The following TEK variants were observed in gnomAD, a reference collection of about 807,000 sequenced individuals.
The protein encoded by TEK is angiopoietin-1 receptor.
Under a neutral mutation model 131.8 loss-of-function variants are expected in TEK, and 43 were observed. The ratio of observed to expected loss-of-function variants is 0.33; its 90% CI spans 0.26 to 0.42. The LOEUF (loss-of-function observed/expected upper bound fraction) is 0.42. TEK is among the 10% of genes least tolerant of loss of function. TEK has a pLI of 1.00. For synonymous variants in TEK, 580 were observed against 491.6 expected (o/e 1.18, Z -2.38); for missense variants, 1,162 against 1,384.4 (o/e 0.84, Z 2.55).
Position 27,183,404 on chromosome 9 carries a change from A to G in TEK, c.1031-55A>G, listed in dbSNP as rs142546331. On this transcript the variant is annotated intron_variant, in intron 7 of 22. Coordinates refer to ENST00000380036, the MANE Select transcript of TEK (RefSeq NM_000459.5). ...TAAAGTAGCTATTTTTATTATTACT[A>G]CTGCTGCTGGCTCTGTTAAATATTA... is the stretch of plus-strand genomic sequence containing the variant. 6 of 1,583,440 alleles carry G rather than the reference A, an allele frequency of 3.8e-6. No homozygotes were observed. In the East Asian group the frequency reaches 6.7e-5, roughly 18 times the overall value.
intron 11 of TEK, among the ~76,000 whole-genome samples, chr9:27,194,387 T>C (rs775655598): frequency 2.6e-5 from 4 of 152,194 alleles, no homozygotes; most frequent in Non-Finnish European, 5.9e-5. Context: ...AAAGCTACTC[T>C]GAGACTTATA....
chr9:27,187,322 T>G (rs1180550197), intron 9 of TEK, among the ~76,000 whole-genome samples: 1 of 152,214 alleles, frequency 6.6e-6, no homozygotes, highest in South Asian at 2.1e-4. Context: ...TATTATAGTA[T>G]TTACAAAAAC....
chr9:27,212,243 A>G (rs1825662588), intron 16 of TEK, among the ~76,000 whole-genome samples: 1 of 152,166 alleles, frequency 6.6e-6, no homozygotes, highest in Non-Finnish European at 1.5e-5. Context: ...TTCCACATGG[A>G]TATTTAATTG....
chr9:27,138,225 G>A lies in TEK; in HGVS notation c.53-19606G>A, dbSNP rs555452197. 7.9e-5 allele frequency among the ~76,000 whole-genome samples: 12 copies of A among 152,348 alleles called. No individual in the cohort carries two copies. The East Asian group carries it at 9.6e-4, about 12-fold the overall frequency. On this transcript the variant is annotated intron_variant, in intron 1 of 22. Coordinates refer to ENST00000380036, the MANE Select transcript of TEK (RefSeq NM_000459.5). The stretch of plus-strand genomic sequence containing the variant: ...AGAACAAAGATTCCACAGTGTGGAA[G>A]GGGATCTGAGCGGGTTGCCGCTGCT...
chr9:27,160,800 A>G (rs1462665323), intron 2 of TEK, among the ~76,000 whole-genome samples: 2 of 152,250 alleles, frequency 1.3e-5, no homozygotes, highest in African/African-American at 2.4e-5. Context: ...AGTGCACAAC[A>G]GAAATTCCCA....
chr9:27,225,938 C>A (rs1361077721), intron 21 of TEK, among the ~76,000 whole-genome samples: 1 of 152,176 alleles, frequency 6.6e-6, no homozygotes, highest in South Asian at 2.1e-4. Context: ...TGGACAGACA[C>A]TTCTCAAAAG....
chr9:27,229,353 C>A lies in TEK; in HGVS notation c.*121C>A. The A allele has an allele frequency of 2.1e-6, 2 of 944,314 alleles. No individual in the cohort carries two copies. Among genetic ancestry groups the A allele is most frequent in the South Asian group, 1.3e-5 (1 of 76,902 alleles). 58.5% of individuals were successfully genotyped at this position (944,314 alleles called of 1,614,324 possible). ...TATAAGTGTACATATGTGCTGTACA[C>A]CTGGGACCTTCACCACTGTAGATCC... On this transcript the variant is annotated 3_prime_UTR_variant, in exon 23 of 23. Coordinates refer to ENST00000380036, the MANE Select transcript of TEK (RefSeq NM_000459.5).
intron 2 of TEK, among the ~76,000 whole-genome samples, chr9:27,164,522 T>C (rs1401337673): frequency 1.3e-5 from 2 of 152,080 alleles, no homozygotes; most frequent in East Asian, 3.9e-4. Flanking sequence ...AGTTTCAATG[T>C]GTTAGCCAGG....
intron 1 of TEK, among the ~76,000 whole-genome samples, chr9:27,142,683 A>G (rs1422580410): frequency 6.6e-6 from 1 of 152,238 alleles, no homozygotes; most frequent in African/African-American, 2.4e-5. Context: ...CCAGTCAAAC[A>G]ATGGATATGG....
intron 9 of TEK, among the ~76,000 whole-genome samples, chr9:27,185,961 A>G (rs1418649305): frequency 6.6e-6 from 1 of 152,162 alleles, no homozygotes; most frequent in Non-Finnish European, 1.5e-5. Context: ...AGCCTTGTTA[A>G]ACACATACAA....
At chr9:27,115,222 G>C (rs1229029697) in intron 1 of TEK, among the ~76,000 whole-genome samples, 2 of 152,156 alleles carry the variant, frequency 1.3e-5, no homozygotes, top group African/African-American at 2.4e-5. Context: ...ATAAAGGTCT[G>C]GTGCAGTGGC....
chr9:27,200,358 C>T (rs1009818967), intron 12 of TEK, among the ~76,000 whole-genome samples: 1 of 152,196 alleles, frequency 6.6e-6, no homozygotes, highest in Admixed American at 6.5e-5. Flanking sequence ...GAATGATACA[C>T]TCTCAAAATC....
intron 16 of TEK, among the ~76,000 whole-genome samples, chr9:27,212,142 G>A (rs1440922778): frequency 6.6e-6 from 1 of 152,024 alleles, no homozygotes; most frequent in Non-Finnish European, 1.5e-5. Context: ...CTAACCTCTG[G>A]TGGCCAGAGA....
At chr9:27,172,045 T>C (rs1823978277) in intron 4 of TEK, among the ~76,000 whole-genome samples, 1 of 152,214 alleles carries the variant, frequency 6.6e-6, no homozygotes, top group Non-Finnish European at 1.5e-5. Flanking sequence ...TTTTTCCTAA[T>C]CTCTGCTCTC....
chr9:27,190,654 C>G lies in TEK; in HGVS notation c.1453C>G (p.Pro485Ala). Residue 485 changes from proline to alanine, a missense_variant, in exon 10 of 23, where the codon CCC (proline) becomes GCC (alanine). Pro to Ala is a conservative substitution (Grantham distance 27). This residue lies in a region of TEK where 477 missense variants were observed against 471.0 expected (regional missense o/e 1.01). Transcript: ENST00000380036. ...PIKSKKLLYK[P>A]VNHYEAWQHI... is the part of the protein sequence containing the mutation. ...CAAATCCAAGAAGCTTCTATACAAA[C>G]CCGTTAATCACTATGAGGCTTGGCA... 2.5e-6 allele frequency: 4 copies of G among 1,614,008 alleles called. No homozygotes were observed. The highest frequency in any genetic ancestry group is 3.4e-6 in the Non-Finnish European group (4 of 1,179,910).
At chr9:27,186,966 T>C (rs758686318) in intron 9 of TEK, among the ~76,000 whole-genome samples, 5 of 152,202 alleles carry the variant, frequency 3.3e-5, no homozygotes, top group Non-Finnish European at 5.9e-5. Flanking sequence ...AGAGCCCAAA[T>C]CTGTTTTATT....
At chr9:27,191,057 A>G (rs1824800981) in intron 10 of TEK, among the ~76,000 whole-genome samples, 1 of 152,200 alleles carries the variant, frequency 6.6e-6, no homozygotes, top group Non-Finnish European at 1.5e-5. Flanking sequence ...GCCTGCTGGA[A>G]GGGCAGAGAG....
chr9:27,117,196 G>A (rs773343570), intron 1 of TEK, among the ~76,000 whole-genome samples: 1 of 152,102 alleles, frequency 6.6e-6, no homozygotes, highest in Non-Finnish European at 1.5e-5. Context: ...CAGTAAGATG[G>A]GGCAGCAGAG....
intron 20 of TEK, among the ~76,000 whole-genome samples, chr9:27,219,132 G>A (rs1324640229): frequency 6.6e-6 from 1 of 152,048 alleles, no homozygotes; most frequent in African/African-American, 2.4e-5. Flanking sequence ...ATTTTTGAAA[G>A]CCATTTAATA....
Sources: gnomAD v4.1 joint callset for allele counts (sites outside exome capture counted in the v4.1 genomes callset) on GRCh38, gnomAD v4.1.1 for gene constraint, gnomAD v4.1.1 regional missense constraint, MANE v1.5 for transcripts, NCBI Gene and HGNC (gene_info 2026-07-23, HGNC 2026-07-21) for gene names.